Variants in SWAP70 observed in about 807,000 individuals in gnomAD.
SWAP70 encodes the protein switching B cell complex subunit SWAP70.
A neutral mutation model predicts 80.2 loss-of-function variants in SWAP70; 34 were observed. The ratio of observed to expected loss-of-function variants is 0.42; its 90% CI spans 0.32 to 0.56. SWAP70 has a LOEUF of 0.56. SWAP70 is among the 20% of genes least tolerant of loss of function. SWAP70 has a pLI of 0.09. For synonymous variants in SWAP70, 239 were observed against 238.5 expected, an observed-to-expected ratio of 1.00 and a Z score of -0.02; for missense variants, 578 against 690.7, an observed-to-expected ratio of 0.84 and a Z score of 1.83.
chr11:9,749,999 T>A lies in SWAP70; in HGVS notation c.*29T>A, dbSNP rs1364635006. On this transcript the variant is annotated 3_prime_UTR_variant, in exon 12 of 12. Transcript: ENST00000318950. ...AGCTTGCTGGCAGTCACGTCAGTTA[T>A]GTAGATACTGCATGGCAGGAGAGCT... is the stretch of plus-strand genomic sequence containing the variant. The A allele has an allele frequency of 7.0e-7, 1 of 1,431,450 alleles. No homozygotes were observed. 88.7% of individuals were successfully genotyped at this position (1,431,450 alleles called of 1,614,324 possible). A position where few individuals can be genotyped will look rare whatever the true frequency, so the allele number is the denominator to read the frequency against.
At chr11:9,694,055 C>G (rs1850725873) in intron 1 of SWAP70, 91 bp from the exon 2 acceptor site, 4 of 1,421,720 alleles carry the variant, frequency 2.8e-6, no homozygotes, top group Non-Finnish European at 3.7e-6. Flanking sequence ...TCTTTCTCTA[C>G]CCAGGAGAGG....
chr11:9,677,011 A>G (rs1354940720), intron 1 of SWAP70, among the ~76,000 whole-genome samples: 2 of 151,006 alleles, frequency 1.3e-5, no homozygotes, highest in Non-Finnish European at 2.9e-5. Context: ...ACACAGATGC[A>G]GAACCGAGGG....
At chr11:9,701,856 T>C (rs1243628210) in intron 2 of SWAP70, among the ~76,000 whole-genome samples, 2 of 152,206 alleles carry the variant, frequency 1.3e-5, no homozygotes, top group African/African-American at 2.4e-5. Flanking sequence ...AATTCTTCCA[T>C]GAGATTTAAT....
intron 9 of SWAP70, 21 bp downstream of exon 9, chr11:9,740,368 CTT>C: frequency 1.2e-6 from 2 of 1,613,832 alleles, no homozygotes; most frequent in Non-Finnish European, 8.5e-7. Context: ...TGTTTGCAGA[CTT>C]TGCCTTTATG....
At chr11:9,733,213 T>C (rs1293254407) in intron 7 of SWAP70, among the ~76,000 whole-genome samples, 2 of 151,950 alleles carry the variant, frequency 1.3e-5, no homozygotes, top group African/African-American at 4.8e-5. Flanking sequence ...ATATGCTATA[T>C]GAGATAGTTG....
At chr11:9,712,354 T>C (rs751320230) in intron 2 of SWAP70, among the ~76,000 whole-genome samples, 36 of 152,044 alleles carry the variant, frequency 2.4e-4, no homozygotes, top group Non-Finnish European at 4.7e-4. Flanking sequence ...TGCATATCTG[T>C]TTTCCCTAAT....
At position 9,664,364 on chromosome 11, in the gene SWAP70, C is replaced by G. The variant is rs987264277; in HGVS notation, c.99+86C>G. ...TGGGTGGAAGCGGGACCTGGCGGGC[C>G]GTGACCGCAGGGCGGGGCGGGTCGG... On this transcript the variant is annotated intron_variant, in intron 1 of 11. Coordinates refer to ENST00000318950, the MANE Select transcript of SWAP70 (RefSeq NM_015055.4). 16 of 1,420,972 alleles carry G rather than the reference C, an allele frequency of 1.1e-5. 1 individual carries two copies. Among genetic ancestry groups the G allele is most frequent in the Middle Eastern group, 4.6e-4 (2 of 4,314 alleles). The allele number at this position is 1,420,972 out of a possible 1,614,324, so 88.0% of individuals were successfully genotyped here.
chr11:9,713,738 A>T, intron 3 of SWAP70, 99 bp downstream of exon 3: 1 of 1,346,686 alleles, frequency 7.4e-7, no homozygotes, highest in Non-Finnish European at 1.0e-6. Flanking sequence ...ATGGAAGGAG[A>T]TCCTTGGCTA....
intron 1 of SWAP70, among the ~76,000 whole-genome samples, chr11:9,685,877 C>T (rs1157163257): frequency 6.6e-6 from 1 of 152,082 alleles, no homozygotes; most frequent in Non-Finnish European, 1.5e-5. Flanking sequence ...CGTGATCTAC[C>T]TTCCTTGGCC....
intron 2 of SWAP70, among the ~76,000 whole-genome samples, chr11:9,707,933 T>C (rs1850941194): frequency 6.6e-6 from 1 of 152,178 alleles, no homozygotes. Context: ...GTTTTTTTGT[T>C]ATATAGATAA....
At chr11:9,728,337 G>A in intron 5 of SWAP70, 138 bp downstream of exon 5, 3 of 1,004,624 alleles carry the variant, frequency 3.0e-6, no homozygotes, top group Non-Finnish European at 4.0e-6. Context: ...ATATAGGCAT[G>A]CAGTTGCCAT....
At position 9,664,354 on chromosome 11, in the gene SWAP70, C is replaced by A; in HGVS notation, c.99+76C>A. 3 of 1,471,752 alleles carry A rather than the reference C, an allele frequency of 2.0e-6. No homozygotes were observed. In the South Asian group the frequency reaches 3.8e-5, roughly 19 times the overall value. 91.2% of individuals were successfully genotyped at this position (1,471,752 alleles called of 1,614,324 possible). On this transcript the variant is annotated intron_variant, in intron 1 of 11. Transcript: ENST00000318950. ...GTACTTCCCTTGGGTGGAAGCGGGA[C>A]CTGGCGGGCCGTGACCGCAGGGCGG... is the stretch of plus-strand genomic sequence containing the variant.
chr11:9,745,548 G>A (rs1422570968), intron 9 of SWAP70, among the ~76,000 whole-genome samples: 1 of 152,192 alleles, frequency 6.6e-6, no homozygotes, highest in African/African-American at 2.4e-5. Context: ...CCTGAAATGT[G>A]GTTGCCAAAA....
chr11:9,746,863 A>G (rs913138045), intron 9 of SWAP70, among the ~76,000 whole-genome samples: 6 of 152,224 alleles, frequency 3.9e-5, no homozygotes, highest in African/African-American at 1.4e-4. Context: ...TTGAATAACA[A>G]CCTTGCAGGA....
At chr11:9,732,092 GAT>G (rs757721696) in intron 6 of SWAP70, among the ~76,000 whole-genome samples, 1 of 152,192 alleles carries the variant, frequency 6.6e-6, no homozygotes, top group Non-Finnish European at 1.5e-5. Flanking sequence ...TTGCAAATTA[GAT>G]ATCAGAAATT....
chr11:9,738,913 G>A (rs1195946264), intron 8 of SWAP70, among the ~76,000 whole-genome samples: 2 of 152,064 alleles, frequency 1.3e-5, no homozygotes, highest in African/African-American at 4.8e-5. Context: ...TGCTTGGTTA[G>A]GGTGACTATA....
intron 1 of SWAP70, among the ~76,000 whole-genome samples, chr11:9,676,173 ACT>A (rs1850498287): frequency 6.6e-6 from 1 of 152,176 alleles, no homozygotes; most frequent in Non-Finnish European, 1.5e-5. Context: ...ATAGTTTAAG[ACT>A]GTATTATCTG....
intron 9 of SWAP70, chr11:9,741,938 T>TAAAAAAAATAA (rs1851445104): frequency 1.2e-5 from 1 of 81,916 alleles, no homozygotes; most frequent in African/African-American, 4.3e-5. Flanking sequence ...ACCTCATCTT[T>TAAAAAAAATAA]AAAAAAAAAA....
chr11:9,740,178 C>G lies in SWAP70; in HGVS notation c.1189-3C>G. ...TTTAAACAAGACCCTTTTATACCAA[C>G]AGATCAGACAGCAGATGGAAGAACA... On this transcript the variant is annotated splice_polypyrimidine_tract_variant and splice_region_variant and intron_variant, in intron 8 of 11. Transcript: ENST00000318950. 1 of 1,613,404 alleles carries G rather than the reference C, an allele frequency of 6.2e-7. No individual in the cohort carries two copies. The highest frequency in any genetic ancestry group is 8.5e-7 in the Non-Finnish European group (1 of 1,179,648).
Sources: allele counts gnomAD v4.1 joint callset (sites outside exome capture counted in the v4.1 genomes callset), GRCh38; gene constraint gnomAD v4.1.1; transcripts MANE v1.5; gene names NCBI Gene and HGNC (gene_info 2026-07-23, HGNC 2026-07-21).